DOK6: variants seen among roughly 807,000 people sequenced by gnomAD.
DOK6 encodes the protein docking protein 6.
DOK6 carries 22 observed loss-of-function variants against 44.0 expected under a neutral mutation model. That is an observed-to-expected ratio of 0.50 (90% CI 0.36 to 0.71). The LOEUF (loss-of-function observed/expected upper bound fraction) is 0.71. DOK6 is among the 30% of genes least tolerant of loss of function. DOK6 has a pLI of 0.00. For missense variants in DOK6, 340 were observed against 416.4 expected, an observed-to-expected ratio of 0.82 and a Z score of 1.60; for synonymous variants, 166 against 145.5, an observed-to-expected ratio of 1.14 and a Z score of -1.01.
chr18:69,839,796 G>A (rs1982162211), intron 7 of DOK6, among the ~76,000 whole-genome samples: 1 of 152,230 alleles, frequency 6.6e-6, no homozygotes. Context: ...AGGACTGGCG[G>A]TGGCAGAGCC....
At chr18:69,652,495 A>G (rs1158003157) in intron 3 of DOK6, among the ~76,000 whole-genome samples, 1 of 152,224 alleles carries the variant, frequency 6.6e-6, no homozygotes, top group Non-Finnish European at 1.5e-5. Context: ...GGGCAATTCC[A>G]GCTTGAGGAG....
intron 6 of DOK6, among the ~76,000 whole-genome samples, chr18:69,754,541 A>G (rs1388343814): frequency 6.6e-6 from 1 of 152,166 alleles, no homozygotes; most frequent in Non-Finnish European, 1.5e-5. Context: ...TCAGCCTGCT[A>G]TAACAAAATA....
chr18:69,608,402 T>C (rs1568309855), intron 3 of DOK6, among the ~76,000 whole-genome samples: 3 of 152,196 alleles, frequency 2.0e-5, no homozygotes, highest in Non-Finnish European at 2.9e-5. Context: ...GTTTTGATTA[T>C]GGTAAACTTG....
chr18:69,618,448 G>T (rs7237341), intron 3 of DOK6: 74,789 of 157,208 alleles, frequency 0.48, 19,881 homozygotes, highest in South Asian at 0.63. Context: ...GCTAAGAAGG[G>T]TTTAAGAGTT....
chr18:69,644,608 T>C (rs764888958), intron 3 of DOK6, among the ~76,000 whole-genome samples: 26 of 152,198 alleles, frequency 1.7e-4, no homozygotes, highest in Non-Finnish European at 3.5e-4. Context: ...TAATCATTAA[T>C]CTATGTATCT....
chr18:69,423,592 T>C (rs1255075888), intron 1 of DOK6, among the ~76,000 whole-genome samples: 2 of 152,210 alleles, frequency 1.3e-5, no homozygotes, highest in Non-Finnish European at 2.9e-5. Flanking sequence ...CTCCAGGGTA[T>C]GTGGATAGAA....
At chr18:69,600,093 AC>A (rs1161527197) in intron 3 of DOK6, among the ~76,000 whole-genome samples, 2 of 152,178 alleles carry the variant, frequency 1.3e-5, no homozygotes, top group African/African-American at 4.8e-5. Flanking sequence ...TTGGCTTGTC[AC>A]TTTTTAAAGA....
intron 2 of DOK6, among the ~76,000 whole-genome samples, chr18:69,582,945 A>G (rs752935964): frequency 1.3e-5 from 2 of 152,108 alleles, no homozygotes; most frequent in Admixed American, 1.3e-4. Context: ...ACCATATTTT[A>G]CTTTTCCATT....
chr18:69,749,174 G>A (rs1269433205), intron 6 of DOK6, among the ~76,000 whole-genome samples: 1 of 152,000 alleles, frequency 6.6e-6, no homozygotes, highest in Non-Finnish European at 1.5e-5. Context: ...GTGGGGAGAG[G>A]GAGACCATTA....
intron 1 of DOK6, among the ~76,000 whole-genome samples, chr18:69,429,942 G>A (rs1356584261): frequency 2.0e-5 from 3 of 151,854 alleles, no homozygotes; most frequent in Non-Finnish European, 2.9e-5. Context: ...TAAATTAGCC[G>A]TTTTTATCTA....
At chr18:69,586,346 T>C (rs1263375609) in intron 2 of DOK6, among the ~76,000 whole-genome samples, 1 of 152,192 alleles carries the variant, frequency 6.6e-6, no homozygotes, top group Non-Finnish European at 1.5e-5. Flanking sequence ...AATTTTATTA[T>C]GGGCAAGAGT....
intron 6 of DOK6, among the ~76,000 whole-genome samples, chr18:69,756,952 C>A (rs1361911701): frequency 6.6e-6 from 1 of 152,180 alleles, no homozygotes; most frequent in Non-Finnish European, 1.5e-5. Context: ...TGTGCCGAGA[C>A]TAAATAAAAC....
At position 69,677,717 on chromosome 18, in the gene DOK6, G is replaced by A. The variant is rs1404446241; in HGVS notation, c.290-17G>A. 3 of 1,612,690 alleles carry A rather than the reference G, an allele frequency of 1.9e-6. No individual in the cohort carries two copies. Among genetic ancestry groups the A allele is most frequent in the African/African-American group, 1.3e-5 (1 of 74,860 alleles). On this transcript the variant is annotated splice_polypyrimidine_tract_variant and intron_variant, in intron 3 of 7. Transcript: ENST00000382713. ...TAGGGAGCATTGCTTGACTGGTGAT[G>A]TTGTGGTTACTTTCAGAGCTGGAGG...
chr18:69,753,536 GCTAA>G (rs1481630147), intron 6 of DOK6, among the ~76,000 whole-genome samples: 3 of 152,156 alleles, frequency 2.0e-5, no homozygotes, highest in East Asian at 1.9e-4. Context: ...CTTTCTAGAT[GCTAA>G]CTAACTCCTG....
chr18:69,496,200 G>A (rs1327179032), intron 1 of DOK6, among the ~76,000 whole-genome samples: 2 of 152,352 alleles, frequency 1.3e-5, no homozygotes, highest in Non-Finnish European at 1.5e-5. Flanking sequence ...CACCGTCAAC[G>A]AGGGAGGCCT....
rs1223266249 is a variant in DOK6 at position 69,655,778 on chromosome 18, AAAAAAC to A, written c.290-21951_290-21946del. On this transcript the variant is annotated intron_variant, in intron 3 of 7. Coordinates refer to ENST00000382713, the MANE Select transcript of DOK6 (RefSeq NM_152721.6). ...CCACCCCTCAAAAAAAAAAAAAAAAAAAAAACAAAAGAACAAAGCATAAAATATGAA... is the reference window on the plus strand; with the variant it reads ...CCACCCCTCAAAAAAAAAAAAAAAAAAAAAGAACAAAGCATAAAATATGAA... Among the ~76,000 whole-genome samples, 225 of 143,048 alleles carry A rather than the reference AAAAAAC, an allele frequency of 1.6e-3. 7 individuals carry two copies. Among genetic ancestry groups the A allele is most frequent in the African/African-American group, 5.7e-3 (204 of 35,540 alleles). 93.8% of individuals were successfully genotyped at this position (143,048 alleles called of 152,430 possible).
intron 1 of DOK6, among the ~76,000 whole-genome samples, chr18:69,425,232 C>T (rs1978603739): frequency 6.6e-6 from 1 of 151,970 alleles, no homozygotes; most frequent in Non-Finnish European, 1.5e-5. Context: ...ATAATTTGCC[C>T]ACTTCCAGTT....
At chr18:69,455,054 T>A (rs1599139337) in intron 1 of DOK6, among the ~76,000 whole-genome samples, 2 of 132,964 alleles carry the variant, frequency 1.5e-5, no homozygotes, top group Non-Finnish European at 1.6e-5. Flanking sequence ...AAACTTAAAG[T>A]ATAATAAAAA....
chr18:69,558,383 G>A (rs1031089733), intron 1 of DOK6, among the ~76,000 whole-genome samples: 9 of 152,026 alleles, frequency 5.9e-5, no homozygotes, highest in African/African-American at 2.4e-5. Context: ...CCACTCCAGT[G>A]CCCTTTTTAT....
Sources: gnomAD v4.1 joint callset for allele counts (sites outside exome capture counted in the v4.1 genomes callset) on GRCh38, gnomAD v4.1.1 for gene constraint, MANE v1.5 for transcripts, NCBI Gene and HGNC (gene_info 2026-07-23, HGNC 2026-07-21) for gene names.